RP1: variants seen among roughly 807,000 people sequenced by gnomAD.
RP1 encodes the protein oxygen-regulated protein 1.
Under a neutral mutation model 14.8 loss-of-function variants are expected in RP1, and 16 were observed. The ratio of observed to expected loss-of-function variants is 1.08; its 90% CI spans 0.73 to 1.65. RP1 has a LOEUF of 1.65. Ranked by LOEUF, RP1 falls within the 40% of genes most tolerant of loss-of-function variation. The pLI, the probability that RP1 is intolerant of heterozygous loss-of-function variation, is 0.00. For missense variants in RP1, 2,631 were observed against 2,535.0 expected (o/e 1.04, Z -0.81); for synonymous variants, 876 against 883.6 (o/e 0.99, Z 0.15).
At chr8:54,861,788 G>A (rs759992241) in intron 27 of RP1, among the ~76,000 whole-genome samples, 2 of 152,090 alleles carry the variant, frequency 1.3e-5, no homozygotes, top group Non-Finnish European at 2.9e-5. Flanking sequence ...ATTTTTAGTA[G>A]AGACGGGGTT....
chr8:54,608,083 T>C (rs959394539), intron 1 of RP1, among the ~76,000 whole-genome samples: 4 of 152,052 alleles, frequency 2.6e-5, no homozygotes, highest in African/African-American at 9.7e-5. Flanking sequence ...CCCAGTGATA[T>C]GAACCCGGTA....
At chr8:54,745,926 G>T (rs1229780959) in intron 19 of RP1, among the ~76,000 whole-genome samples, 1 of 151,954 alleles carries the variant, frequency 6.6e-6, no homozygotes, top group African/African-American at 2.4e-5. Flanking sequence ...TTTTAGTATT[G>T]ATAGAAAAAT....
intron 6 of RP1, among the ~76,000 whole-genome samples, chr8:54,662,809 T>A (rs1806930498): frequency 6.6e-6 from 1 of 152,208 alleles, no homozygotes; most frequent in Non-Finnish European, 1.5e-5. Flanking sequence ...CTCCTGCTGC[T>A]GTTCATGTTT....
chr8:54,780,673 A>G (rs1810165668), intron 23 of RP1, among the ~76,000 whole-genome samples: 1 of 152,190 alleles, frequency 6.6e-6, no homozygotes, highest in African/African-American at 2.4e-5. Context: ...ATATAGTATT[A>G]GGTATTAGAG....
At chr8:54,640,084 A>T (rs1009382926) in intron 3 of RP1, among the ~76,000 whole-genome samples, 3 of 147,790 alleles carry the variant, frequency 2.0e-5, no homozygotes, top group Non-Finnish European at 4.5e-5. Flanking sequence ...TTTAATTCTT[A>T]CTTTGGGTCT....
intron 4 of RP1, among the ~76,000 whole-genome samples, chr8:54,650,839 G>T (rs1806642081): frequency 6.6e-6 from 1 of 151,838 alleles, no homozygotes; most frequent in Non-Finnish European, 1.5e-5. Context: ...TATTATCCTT[G>T]TCTTGTTCCT....
intron 25 of RP1, among the ~76,000 whole-genome samples, chr8:54,843,996 T>C (rs1041555944): frequency 3.3e-5 from 5 of 152,228 alleles, no homozygotes; most frequent in African/African-American, 1.2e-4. Flanking sequence ...TGACTAACAA[T>C]ATTGTGTGCT....
At chr8:54,714,594 T>C (rs1465300420) in intron 15 of RP1, among the ~76,000 whole-genome samples, 1 of 152,028 alleles carries the variant, frequency 6.6e-6, no homozygotes, top group Non-Finnish European at 1.5e-5. Flanking sequence ...TCAGCAGCAT[T>C]CCCCACTCTC....
chr8:54,600,983 T>TTA (rs1302205629), intron 1 of RP1, among the ~76,000 whole-genome samples: 2 of 152,168 alleles, frequency 1.3e-5, no homozygotes, highest in Admixed American at 6.5e-5. Context: ...TGTATTTGCT[T>TTA]TATATATAAT....
chr8:54,781,502 A>G, intron 23 of RP1, among the ~76,000 whole-genome samples: 1 of 152,206 alleles, frequency 6.6e-6, no homozygotes, highest in East Asian at 1.9e-4. Context: ...AAAATTACAG[A>G]CAAATACTTG....
intron 25 of RP1, among the ~76,000 whole-genome samples, chr8:54,848,643 T>C (rs948157933): frequency 1.3e-5 from 2 of 152,222 alleles, no homozygotes; most frequent in Non-Finnish European, 2.9e-5. Context: ...AGTGGTATTA[T>C]AACAAAGAAA....
intron 16 of RP1, among the ~76,000 whole-genome samples, chr8:54,722,685 T>TAAG (rs1808565634): frequency 1.3e-5 from 2 of 152,106 alleles, no homozygotes; most frequent in African/African-American, 4.8e-5. Flanking sequence ...TGAAACTTTT[T>TAAG]TTTTCAGCTT....
chr8:54,845,279 C>T (rs1282408334), intron 25 of RP1, among the ~76,000 whole-genome samples: 4 of 152,212 alleles, frequency 2.6e-5, no homozygotes, highest in South Asian at 2.1e-4. Flanking sequence ...GGAGCAGCCG[C>T]TGCCTTCTTT....
chr8:54,651,023 G>T (rs1240552903), intron 4 of RP1, among the ~76,000 whole-genome samples: 1 of 151,868 alleles, frequency 6.6e-6, no homozygotes, highest in Admixed American at 6.6e-5. Flanking sequence ...GCATGTGTGT[G>T]TGTGTGTCAG....
chr8:54,612,690 A>T (rs1026583616), upstream of RP1, among the ~76,000 whole-genome samples: 40 of 152,298 alleles, frequency 2.6e-4, no homozygotes, highest in African/African-American at 9.4e-4. Context: ...CTTAAAGTTA[A>T]AGCCAAAGTA....
exon 19 of RP1, chr8:54,739,028 G>T: frequency 1.3e-6 from 2 of 1,526,306 alleles, no homozygotes; most frequent in South Asian, 1.2e-5. Flanking sequence ...AACTTGCAGA[G>T]GGTAATCATG....
chr8:54,652,830 C>A (rs1806683367), exon 5 of RP1: 1 of 1,535,582 alleles, frequency 6.5e-7, no homozygotes, highest in Non-Finnish European at 8.7e-7. Flanking sequence ...TTGGTCATAC[C>A]AACTCTGGAT....
rs778208633 is a variant in RP1 at position 54,626,618 on chromosome 8, T to G, written c.2736T>G (p.Ile912Met). Residue 912 changes from isoleucine to methionine, a missense_variant, in exon 4 of 4, where the codon ATT becomes ATG. Coordinates refer to ENST00000220676, the MANE Select transcript of RP1 (RefSeq NM_006269.2). ...CTGAGGCTATTGCTCATCATTCAAT[T>G]CAAAATTATATACAGAGTTGGTTGC... ...DFPEAIAHHS[I>M]QNYIQSWLQN... 3.7e-6 allele frequency: 6 copies of G among 1,613,618 alleles called. No homozygotes were observed. Among genetic ancestry groups the G allele is most frequent in the Non-Finnish European group, 5.1e-6 (6 of 1,179,910 alleles).
At chr8:54,641,236 C>T (rs1436741112) in intron 3 of RP1, among the ~76,000 whole-genome samples, 4 of 152,084 alleles carry the variant, frequency 2.6e-5, no homozygotes, top group East Asian at 1.9e-4. Context: ...TGAGCCACTG[C>T]GTCCGGCCAT....
Sources: allele counts gnomAD v4.1 joint callset (sites outside exome capture counted in the v4.1 genomes callset), GRCh38; gene constraint gnomAD v4.1.1; transcripts MANE v1.5; gene names NCBI Gene and HGNC (gene_info 2026-07-23, HGNC 2026-07-21).